The following PDZD2 variants were observed in gnomAD, a reference collection of about 807,000 sequenced individuals.
The protein encoded by PDZD2 is PDZ domain-containing protein 2.
In PDZD2, 90 loss-of-function variants were observed where a neutral mutation model predicts 220.7. The ratio of observed to expected loss-of-function variants is 0.41; its 90% confidence interval spans 0.34 to 0.49. PDZD2 has a LOEUF of 0.49. Among genes scored for constraint, PDZD2 ranks in the 20% least tolerant of loss-of-function variants. The pLI is 0.28. For missense variants in PDZD2, 3,174 were observed against 3,608.5 expected (o/e 0.88, Z 3.08); for synonymous variants, 1,375 against 1,450.5 (o/e 0.95, Z 1.18).
At chr5:31,976,143 C>G (rs1323534980) in intron 2 of PDZD2, among the ~76,000 whole-genome samples, 1 of 152,104 alleles carries the variant, frequency 6.6e-6, no homozygotes, top group Non-Finnish European at 1.5e-5. Context: ...GAGGCGATAC[C>G]TGAGAGAGAG....
intron 2 of PDZD2, among the ~76,000 whole-genome samples, chr5:31,801,764 A>G (rs896256711): frequency 6.6e-6 from 1 of 152,182 alleles, no homozygotes; most frequent in Non-Finnish European, 1.5e-5. Context: ...ATTAAATAGT[A>G]CATATAAAGG....
At chr5:31,878,723 G>A (rs1026939428) in intron 2 of PDZD2, among the ~76,000 whole-genome samples, 1 of 151,750 alleles carries the variant, frequency 6.6e-6, no homozygotes, top group Admixed American at 6.6e-5. Context: ...ACCTCGCCCA[G>A]CTAATTTTTT....
chr5:31,851,127 A>G (rs1239274590), intron 2 of PDZD2, among the ~76,000 whole-genome samples: 3 of 151,890 alleles, frequency 2.0e-5, no homozygotes, highest in Non-Finnish European at 2.9e-5. Context: ...CATAAGTTCT[A>G]TTTTCTGTCT....
At chr5:31,930,439 T>A (rs1581105014) in intron 2 of PDZD2, among the ~76,000 whole-genome samples, 1 of 151,944 alleles carries the variant, frequency 6.6e-6, no homozygotes, top group Non-Finnish European at 1.5e-5. Flanking sequence ...GACCTCGTGA[T>A]CCGCCCGCCT....
chr5:32,067,368 A>G (rs924153598), intron 14 of PDZD2, among the ~76,000 whole-genome samples: 6 of 151,558 alleles, frequency 4.0e-5, no homozygotes, highest in African/African-American at 1.4e-4. Flanking sequence ...TAAGAAAAAC[A>G]GCAACCACTC....
At chr5:31,769,247 A>G (rs1406201218) in intron 1 of PDZD2, among the ~76,000 whole-genome samples, 1 of 152,216 alleles carries the variant, frequency 6.6e-6, no homozygotes. Context: ...CCTGGATCGA[A>G]GCAAATGCAG....
At chr5:31,689,350 T>TTTTTTTTTTTC (rs1224459988) in intron 1 of PDZD2, among the ~76,000 whole-genome samples, 1 of 58,272 alleles carries the variant, frequency 1.7e-5, no homozygotes, top group Non-Finnish European at 3.0e-5. Context: ...TATATATATA[T>TTTTTTTTTTTC]ATATTTTTTT....
At chr5:31,925,533 A>C (rs540093721) in intron 2 of PDZD2, among the ~76,000 whole-genome samples, 2 of 152,202 alleles carry the variant, frequency 1.3e-5, no homozygotes, top group Non-Finnish European at 2.9e-5. Flanking sequence ...AGGAAACATC[A>C]TTCTGGACAT....
chr5:31,653,822 TCAC>T (rs1225576231), intron 1 of PDZD2, among the ~76,000 whole-genome samples: 78 of 152,316 alleles, frequency 5.1e-4, no homozygotes, highest in Non-Finnish European at 8.4e-4. Flanking sequence ...TCTCACTCTG[TCAC>T]TCAGGCTGGA....
chr5:31,729,977 G>T (rs1193996268), intron 1 of PDZD2, among the ~76,000 whole-genome samples: 1 of 152,118 alleles, frequency 6.6e-6, no homozygotes, highest in Non-Finnish European at 1.5e-5. Flanking sequence ...ACAGGCACAT[G>T]CCACCACGCC....
chr5:32,096,560 C>T (rs1464523286), intron 21 of PDZD2, among the ~76,000 whole-genome samples: 1 of 152,210 alleles, frequency 6.6e-6, no homozygotes, highest in Non-Finnish European at 1.5e-5. Context: ...CTCAGGTGAT[C>T]CGCCCGCCTT....
intron 1 of PDZD2, among the ~76,000 whole-genome samples, chr5:31,723,906 C>T (rs1041064527): frequency 2.0e-5 from 3 of 152,234 alleles, no homozygotes; most frequent in Admixed American, 6.5e-5. Context: ...GTGTTAGCCA[C>T]CGTGCCCAGC....
intron 2 of PDZD2, among the ~76,000 whole-genome samples, chr5:31,882,944 C>T (rs941581871): frequency 3.5e-5 from 5 of 143,406 alleles, no homozygotes; most frequent in East Asian, 2.2e-4. Context: ...GCACGAGAAT[C>T]GCTTGAACCC....
chr5:31,933,142 C>T (rs1490738446), intron 2 of PDZD2, among the ~76,000 whole-genome samples: 16 of 152,144 alleles, frequency 1.1e-4, no homozygotes, highest in Admixed American at 9.8e-4. Context: ...AACTCCTGAC[C>T]TCAAGTGATC....
intron 1 of PDZD2, among the ~76,000 whole-genome samples, chr5:31,670,845 C>A (rs146877766): frequency 2.0e-4 from 30 of 152,230 alleles, no homozygotes; most frequent in African/African-American, 7.0e-4. Flanking sequence ...AGGGTGTGCT[C>A]ATGAGGCAAC....
intron 1 of PDZD2, among the ~76,000 whole-genome samples, chr5:31,691,768 A>G (rs1469341343): frequency 3.3e-5 from 5 of 152,224 alleles, no homozygotes; most frequent in Admixed American, 3.3e-4. Context: ...GCCCCACCAG[A>G]GTACTAGATA....
intron 2 of PDZD2, among the ~76,000 whole-genome samples, chr5:31,903,612 C>G (rs1194350167): frequency 7.6e-6 from 1 of 131,778 alleles, no homozygotes; most frequent in Non-Finnish European, 1.5e-5. Context: ...CCACTGTACT[C>G]TAGCCTGTGC....
chr5:31,905,108 A>G (rs1323069066), intron 2 of PDZD2, among the ~76,000 whole-genome samples: 1 of 152,110 alleles, frequency 6.6e-6, no homozygotes, highest in African/African-American at 2.4e-5. Flanking sequence ...AGCTGGGATT[A>G]CAGGCACTCA....
intron 1 of PDZD2, among the ~76,000 whole-genome samples, chr5:31,658,642 C>T (rs1347345830): frequency 1.4e-5 from 2 of 147,476 alleles, no homozygotes; most frequent in East Asian, 4.0e-4. Flanking sequence ...TTTTTTGAGA[C>T]GGAGTCTCAC....
Sources: gnomAD v4.1 joint callset for allele counts (sites outside exome capture counted in the v4.1 genomes callset) on GRCh38, gnomAD v4.1.1 for gene constraint, MANE v1.5 for transcripts, NCBI Gene and HGNC (gene_info 2026-07-23, HGNC 2026-07-21) for gene names.